The following REDIC1 variants were observed in gnomAD, a reference collection of about 807,000 sequenced individuals.
REDIC1 encodes HEI10 Interacting Protein 1.
At chr12:39,643,514 C>T in the REDIC1 span, among the ~76,000 whole-genome samples, 42 of 151,580 alleles carry the variant, frequency 2.8e-4, no homozygotes, top group Middle Eastern at 6.8e-3. Context: ...GAGATAATTT[C>T]TAATCTTTTG....
At chr12:39,848,956 G>A in the REDIC1 span, among the ~76,000 whole-genome samples, 1 of 152,124 alleles carries the variant, frequency 6.6e-6, no homozygotes, top group African/African-American at 2.4e-5. Context: ...TCACTTATAA[G>A]TGGGAGCTAA....
chr12:39,672,356 C>T, the REDIC1 span, among the ~76,000 whole-genome samples: 6 of 152,016 alleles, frequency 3.9e-5, no homozygotes, highest in South Asian at 2.1e-4. Context: ...GCAGCAGAGG[C>T]AGTGGGTGGG....
At chr12:39,873,676 A>G in the REDIC1 span, among the ~76,000 whole-genome samples, 1 of 152,224 alleles carries the variant, frequency 6.6e-6, no homozygotes, top group East Asian at 1.9e-4. Flanking sequence ...TGATGCTTTC[A>G]TTTTCAATAA....
At chr12:39,793,406 C>A in the REDIC1 span, among the ~76,000 whole-genome samples, 1 of 152,208 alleles carries the variant, frequency 6.6e-6, no homozygotes, top group South Asian at 2.1e-4. Flanking sequence ...CCAAATTGAT[C>A]TATAGAGTCA....
the REDIC1 span, among the ~76,000 whole-genome samples, chr12:39,666,496 A>G: frequency 6.6e-6 from 1 of 152,288 alleles, no homozygotes; most frequent in South Asian, 2.1e-4. Context: ...TTTTGCATCG[A>G]TGTTCATCAG....
chr12:39,895,715 TATGTATATGCGTGTATACGTACACAC>T, the REDIC1 span, among the ~76,000 whole-genome samples: 13 of 133,752 alleles, frequency 9.7e-5, no homozygotes, highest in African/African-American at 3.5e-4. Flanking sequence ...CGTACACACA[TATGTATATGCGTGTATACGTACACAC>T]ATGTATATGC....
the REDIC1 span, among the ~76,000 whole-genome samples, chr12:39,693,839 T>C: frequency 3.3e-5 from 5 of 152,316 alleles, no homozygotes; most frequent in Admixed American, 3.3e-4. Flanking sequence ...AGGAGAAATA[T>C]GCTGGTATTT....
chr12:39,887,017 A>G, the REDIC1 span, among the ~76,000 whole-genome samples: 3 of 152,222 alleles, frequency 2.0e-5, no homozygotes, highest in Non-Finnish European at 4.4e-5. Flanking sequence ...AATTAACTCA[A>G]CAGAATAGCT....
At chr12:39,764,815 C>G in the REDIC1 span, 1 of 1,612,370 alleles carries the variant, frequency 6.2e-7, no homozygotes. Flanking sequence ...AAATTGTAAG[C>G]CCAAAATATA....
chr12:39,896,446 A>T, the REDIC1 span, among the ~76,000 whole-genome samples: 7 of 131,910 alleles, frequency 5.3e-5, no homozygotes, highest in Non-Finnish European at 7.9e-5. Context: ...ACATATATGT[A>T]TATGTGTGTA....
chr12:39,823,618 ATAT>A, the REDIC1 span, among the ~76,000 whole-genome samples: 1 of 151,546 alleles, frequency 6.6e-6, no homozygotes, highest in Non-Finnish European at 1.5e-5. Flanking sequence ...GATGATGATG[ATAT>A]TATTATTATT....
chr12:39,643,769 ATTATT>A, the REDIC1 span: 1 of 1,483,956 alleles, frequency 6.7e-7, no homozygotes, highest in African/African-American at 1.4e-5. Flanking sequence ...TTAATTTTTA[ATTATT>A]TTAGGAATAT....
At chr12:39,684,410 T>C in the REDIC1 span, 1 of 337,606 alleles carries the variant, frequency 3.0e-6, no homozygotes, top group Admixed American at 6.4e-5. Flanking sequence ...GGAAGTGATT[T>C]CTTGTGGAAT....
At chr12:39,729,570 T>A in the REDIC1 span, among the ~76,000 whole-genome samples, 1 of 152,228 alleles carries the variant, frequency 6.6e-6, no homozygotes. Flanking sequence ...AGGAGTGTTT[T>A]ACTTCCAATT....
the REDIC1 span, among the ~76,000 whole-genome samples, chr12:39,670,517 A>C: frequency 3.9e-3 from 589 of 152,278 alleles, 4 homozygotes; most frequent in African/African-American, 0.013. Context: ...CTGTTTGACT[A>C]TAATGTGGTG....
At chr12:39,705,398 T>C in the REDIC1 span, among the ~76,000 whole-genome samples, 279 of 152,160 alleles carry the variant, frequency 1.8e-3, no homozygotes, top group African/African-American at 6.0e-3. Context: ...GAAGAACTAA[T>C]ACCAGTCCTA....
the REDIC1 span, among the ~76,000 whole-genome samples, chr12:39,860,250 G>C: frequency 1.3e-5 from 2 of 152,200 alleles, no homozygotes; most frequent in Non-Finnish European, 2.9e-5. Flanking sequence ...TAAGATGAAA[G>C]GCTTGAATTA....
the REDIC1 span, among the ~76,000 whole-genome samples, chr12:39,834,735 C>T: frequency 4.6e-5 from 7 of 151,960 alleles, no homozygotes; most frequent in Admixed American, 3.3e-4. Flanking sequence ...GGAGGAAAGA[C>T]AAGATTTCCT....
chr12:39,862,113 T>C, the REDIC1 span, among the ~76,000 whole-genome samples: 1 of 152,198 alleles, frequency 6.6e-6, no homozygotes, highest in African/African-American at 2.4e-5. Flanking sequence ...CTGAAAGACA[T>C]TCTTTAATAC....
Sources: allele counts gnomAD v4.1 joint callset (sites outside exome capture counted in the v4.1 genomes callset), GRCh38; gene constraint gnomAD v4.1.1; transcripts MANE v1.5; gene names NCBI Gene and HGNC (gene_info 2026-07-23, HGNC 2026-07-21).